The following KANSL1 variants were observed in gnomAD, a reference collection of about 807,000 sequenced individuals.
KANSL1 encodes the protein MLL1/MLL complex subunit KANSL1.
A neutral mutation model predicts 103.6 loss-of-function variants in KANSL1; 22 were observed. The observed-to-expected ratio is 0.21, with a 90% confidence interval of 0.15 to 0.30. The LOEUF (loss-of-function observed/expected upper bound fraction) is 0.30, where lower values mean the gene tolerates loss of function less well. Among genes scored for constraint, KANSL1 ranks in the 10% least tolerant of loss-of-function variants. The pLI is 1.00. For missense variants in KANSL1, 1,337 were observed against 1,399.8 expected, an observed-to-expected ratio of 0.96 and a Z score of 0.72; for synonymous variants, 600 against 527.6, an observed-to-expected ratio of 1.14 and a Z score of -1.88.
At chr17:46,150,945 A>T (rs76298366) in intron 2 of KANSL1, among the ~76,000 whole-genome samples, 2 of 142,676 alleles carry the variant, frequency 1.4e-5, no homozygotes, top group Non-Finnish European at 3.1e-5. Context: ...AAAAAAAAAA[A>T]CACGAGTATC....
intron 1 of KANSL1, among the ~76,000 whole-genome samples, chr17:46,209,326 T>C (rs989059521): frequency 1.3e-5 from 2 of 152,228 alleles, no homozygotes; most frequent in Non-Finnish European, 2.9e-5. Context: ...TCTTATTTGC[T>C]TCGATATTTA....
Position 46,083,490 on chromosome 17 carries a change from C to T in KANSL1, c.1432-948G>A, listed in dbSNP as rs541303209. On this transcript the variant is annotated intron_variant, in intron 3 of 14. Coordinates refer to ENST00000432791, the MANE Select transcript of KANSL1 (RefSeq NM_015443.4). Reference sequence around the variant, plus strand: ...CTTAGGTCCAACATCTACTCAGTACCTCTGGGGGTGGGGCCAGGTAGTCTA... The same window carrying T: ...CTTAGGTCCAACATCTACTCAGTACTTCTGGGGGTGGGGCCAGGTAGTCTA... Among the ~76,000 whole-genome samples the T allele has an allele frequency of 5.3e-5, 8 of 152,208 alleles. No homozygotes were observed. The South Asian group carries it at 1.5e-3, about 28-fold the overall frequency.
chr17:46,094,199 C>T (rs62061793), intron 3 of KANSL1: 3 of 225,958 alleles, frequency 1.3e-5, no homozygotes, highest in South Asian at 6.3e-5. Flanking sequence ...TGGGCTCAAG[C>T]GATACTCCCA....
intron 2 of KANSL1, among the ~76,000 whole-genome samples, chr17:46,135,344 GTC>G (rs1429204686): frequency 1.3e-5 from 2 of 148,564 alleles, no homozygotes; most frequent in Admixed American, 7.0e-5. Context: ...CACTGCACTG[GTC>G]TCTCTGAATA....
intron 1 of KANSL1, among the ~76,000 whole-genome samples, chr17:46,172,695 T>C (rs2147759114): frequency 6.6e-6 from 1 of 152,370 alleles, no homozygotes; most frequent in Middle Eastern, 3.4e-3. Flanking sequence ...TGCATTTTTC[T>C]GGCCAGGGAA....
At chr17:46,156,886 G>A (rs1376808305) in intron 2 of KANSL1, 2 of 128,656 alleles carry the variant, frequency 1.6e-5, no homozygotes, top group African/African-American at 5.3e-5. Flanking sequence ...GTGACAGAGT[G>A]AGACTCTATC....
chr17:46,048,513 G>A (rs549022215), intron 7 of KANSL1, among the ~76,000 whole-genome samples: 13 of 152,226 alleles, frequency 8.5e-5, no homozygotes, highest in Admixed American at 8.5e-4. Context: ...GCTGCAGTGA[G>A]CCAACATCAC....
At chr17:46,200,501 G>A (rs2532226) in intron 1 of KANSL1, among the ~76,000 whole-genome samples, 21,954 of 152,156 alleles carry the variant, frequency 0.14, 2,136 homozygotes, top group Non-Finnish European at 0.22. Context: ...CCAGCACTTT[G>A]GGAGGCCAAG....
At chr17:46,155,400 C>T (rs180808763) in intron 2 of KANSL1, among the ~76,000 whole-genome samples, 420 of 152,170 alleles carry the variant, frequency 2.8e-3, no homozygotes, top group Middle Eastern at 0.02. Context: ...TCAAATGATT[C>T]GCCCACCTCG....
intron 1 of KANSL1, among the ~76,000 whole-genome samples, chr17:46,218,825 T>C (rs1210563776): frequency 1.3e-5 from 2 of 152,142 alleles, no homozygotes; most frequent in Non-Finnish European, 2.9e-5. Flanking sequence ...ACAGTAGTAG[T>C]CCACTGAACC....
At chr17:46,167,387 T>C (rs1030739619) in intron 2 of KANSL1, among the ~76,000 whole-genome samples, 27 of 152,228 alleles carry the variant, frequency 1.8e-4, no homozygotes, top group Admixed American at 1.4e-3. Context: ...TTTCTACATC[T>C]ACAATTAAGA....
At chr17:46,189,372 G>A (rs1356802104) in intron 1 of KANSL1, among the ~76,000 whole-genome samples, 1 of 152,138 alleles carries the variant, frequency 6.6e-6, no homozygotes, top group East Asian at 1.9e-4. Flanking sequence ...GTTGGGGGGT[G>A]GAGAGGGACA....
At chr17:46,087,968 T>A (rs991528135) in intron 3 of KANSL1, among the ~76,000 whole-genome samples, 2 of 152,220 alleles carry the variant, frequency 1.3e-5, no homozygotes, top group Admixed American at 6.5e-5. Flanking sequence ...AGCTGTGCCA[T>A]TAGCCTGGTG....
intron 1 of KANSL1, among the ~76,000 whole-genome samples, chr17:46,191,666 AAAAC>A (rs2047331617): frequency 6.6e-6 from 1 of 152,270 alleles, no homozygotes; most frequent in Non-Finnish European, 1.5e-5. Flanking sequence ...CTCTAAAACT[AAAAC>A]AAGTAAAACG....
chr17:46,058,735 ACACACACACTCT>A lies in KANSL1; in HGVS notation c.1848+7790_1848+7801del, dbSNP rs1213736593. Reference sequence around the variant, plus strand: ...AACACACACACACACACACACACACACACACACACTCTCTCTCTCTCTCTCTCTCTCTCTCTC... The same window carrying A: ...AACACACACACACACACACACACACACTCTCTCTCTCTCTCTCTCTCTCTC... On this transcript the variant is annotated intron_variant, in intron 6 of 14. Transcript: ENST00000432791. 1.8e-4 allele frequency among the ~76,000 whole-genome samples: 10 copies of A among 54,084 alleles called. No individual in the cohort carries two copies. In the East Asian group the frequency reaches 1.9e-3, roughly 10 times the overall value. 35.5% of individuals were successfully genotyped at this position (54,084 alleles called of 152,430 possible).
chr17:46,194,842 C>T (rs1185679181), upstream of KANSL1, among the ~76,000 whole-genome samples: 3 of 152,328 alleles, frequency 2.0e-5, no homozygotes, highest in East Asian at 5.8e-4. Flanking sequence ...TTTTAGTCTT[C>T]CCACAAAGTT....
At chr17:46,105,947 A>ACACACACACACACACC (rs1396276906) in intron 2 of KANSL1, among the ~76,000 whole-genome samples, 2 of 57,864 alleles carry the variant, frequency 3.5e-5, no homozygotes, top group Admixed American at 1.5e-4. Context: ...ACACACACAC[A>ACACACACACACACACC]CCCCCCCAGA....
intron 2 of KANSL1, among the ~76,000 whole-genome samples, chr17:46,163,219 A>C (rs2045834388): frequency 6.6e-6 from 1 of 152,244 alleles, no homozygotes; most frequent in South Asian, 2.1e-4. Context: ...CTGGATCCCT[A>C]GCATCCCAGC....
chr17:46,065,550 C>T (rs1223291955), intron 6 of KANSL1, among the ~76,000 whole-genome samples: 1 of 152,156 alleles, frequency 6.6e-6, no homozygotes, highest in Non-Finnish European at 1.5e-5. Context: ...TCATTGAACC[C>T]TCAAACAACC....
Sources: allele counts gnomAD v4.1 joint callset (sites outside exome capture counted in the v4.1 genomes callset), GRCh38; gene constraint gnomAD v4.1.1; transcripts MANE v1.5; gene names NCBI Gene and HGNC (gene_info 2026-07-23, HGNC 2026-07-21).